Variants in STK3 observed in about 807,000 individuals in gnomAD.
STK3 encodes serine/threonine kinase 3, also known as serine/threonine-protein kinase 3.
Under a neutral mutation model 58.0 loss-of-function variants are expected in STK3, and 41 were observed. The observed-to-expected ratio is 0.71, with a 90% CI of 0.55 to 0.92. STK3 has a LOEUF of 0.92. STK3 is among the 40% of genes least tolerant of loss of function. STK3 has a pLI of 0.00. For missense variants in STK3, 479 were observed against 602.7 expected, an observed-to-expected ratio of 0.79 and a Z score of 2.15; for synonymous variants, 170 against 191.0, an observed-to-expected ratio of 0.89 and a Z score of 0.91.
intron 1 of STK3, among the ~76,000 whole-genome samples, chr8:98,817,509 T>C (rs1834633220): frequency 6.6e-6 from 1 of 151,596 alleles, no homozygotes. Flanking sequence ...ACCCACTTCC[T>C]CTTCTAAAGG....
chr8:98,619,206 C>T (rs1340285876), intron 6 of STK3, among the ~76,000 whole-genome samples: 1 of 149,914 alleles, frequency 6.7e-6, no homozygotes, highest in African/African-American at 2.5e-5. Context: ...GAAAAACAAG[C>T]AATGGGGAAA....
intron 10 of STK3, among the ~76,000 whole-genome samples, chr8:98,466,039 C>T (rs935167822): frequency 6.6e-6 from 1 of 152,182 alleles, no homozygotes; most frequent in Non-Finnish European, 1.5e-5. Flanking sequence ...TTAAATCTTT[C>T]TGGATCTATT....
intron 10 of STK3, among the ~76,000 whole-genome samples, chr8:98,497,417 G>A (rs1260591125): frequency 6.6e-6 from 1 of 151,492 alleles, no homozygotes; most frequent in Non-Finnish European, 1.5e-5. Flanking sequence ...GATACCAAAA[G>A]CACTAGTAAA....
chr8:98,352,136 C>CAAAAAAAAAAA, the STK3 span, among the ~76,000 whole-genome samples: 3 of 110,458 alleles, frequency 2.7e-5, no homozygotes, highest in Admixed American at 9.9e-5. Context: ...GACTCTGTCT[C>CAAAAAAAAAAA]AAAAAAAAAA....
intron 3 of STK3, among the ~76,000 whole-genome samples, chr8:98,407,020 C>T (rs747554943): frequency 8.5e-5 from 13 of 152,168 alleles, no homozygotes; most frequent in Non-Finnish European, 1.8e-4. Flanking sequence ...GCTAAAAGGA[C>T]TCCAGTTAAG....
chr8:98,556,794 G>C (rs1287690484), intron 8 of STK3, among the ~76,000 whole-genome samples: 1 of 151,960 alleles, frequency 6.6e-6, no homozygotes, highest in Non-Finnish European at 1.5e-5. Context: ...GTACTAAAAA[G>C]GGTCATATAG....
intron 1 of STK3, among the ~76,000 whole-genome samples, chr8:98,916,393 G>A (rs905517481): frequency 4.6e-5 from 7 of 152,194 alleles, no homozygotes; most frequent in Non-Finnish European, 1.0e-4. Context: ...TAGCCTGGGT[G>A]ACAGAGCAAG....
chr8:98,479,028 C>T (rs977759522), intron 10 of STK3, among the ~76,000 whole-genome samples: 1 of 152,134 alleles, frequency 6.6e-6, no homozygotes, highest in South Asian at 2.1e-4. Flanking sequence ...TGAGAGGTAG[C>T]AGTGGAGAAG....
chr8:98,438,249 T>C (rs1309427437), intron 1 of STK3: 3 of 152,190 alleles, frequency 2.0e-5, no homozygotes, highest in Non-Finnish European at 4.4e-5. Context: ...CAAACTGAGA[T>C]ATCCTACCGA....
intron 6 of STK3, among the ~76,000 whole-genome samples, chr8:98,603,518 T>C (rs1816527476): frequency 6.6e-6 from 1 of 152,194 alleles, no homozygotes; most frequent in Non-Finnish European, 1.5e-5. Context: ...ATTACAGGTG[T>C]GAGCCACCGC....
intron 1 of STK3, among the ~76,000 whole-genome samples, chr8:98,933,314 T>C (rs1840069742): frequency 6.6e-6 from 1 of 152,196 alleles, no homozygotes; most frequent in Non-Finnish European, 1.5e-5. Flanking sequence ...AAAATACTAT[T>C]GTATACAGAC....
intron 10 of STK3, among the ~76,000 whole-genome samples, chr8:98,464,540 T>TAAAAAAAAAAAAAAAAAAAAAAAAAA: frequency 5.2e-4 from 36 of 69,214 alleles, no homozygotes; most frequent in African/African-American, 9.2e-4. Flanking sequence ...TACTTAAAGT[T>TAAAAAAAAAAAAAAAAAAAAAAAAAA]AAAAAAAAAA....
intron 3 of STK3, among the ~76,000 whole-genome samples, chr8:98,873,732 G>A (rs1031357832): frequency 2.6e-5 from 4 of 151,800 alleles, no homozygotes; most frequent in African/African-American, 9.7e-5. Flanking sequence ...GAGCCTATGT[G>A]GGTCTCTGCA....
chr8:98,397,127 A>G (rs887894120), downstream of STK3, among the ~76,000 whole-genome samples: 2 of 152,242 alleles, frequency 1.3e-5, no homozygotes, highest in Non-Finnish European at 2.9e-5. Context: ...AACAGTTCAC[A>G]GTAGTGTTCT....
intron 3 of STK3, among the ~76,000 whole-genome samples, chr8:98,850,651 G>A (rs1217425844): frequency 6.6e-6 from 1 of 152,178 alleles, no homozygotes; most frequent in Non-Finnish European, 1.5e-5. Flanking sequence ...GCATGAAGAT[G>A]TAAAAGGGCC....
At chr8:98,810,288 A>G (rs1834132419) in intron 1 of STK3, among the ~76,000 whole-genome samples, 1 of 152,158 alleles carries the variant, frequency 6.6e-6, no homozygotes, top group African/African-American at 2.4e-5. Context: ...CCAGAAGTGG[A>G]ATTACTGAGT....
At chr8:98,617,089 G>C (rs1286606891) in intron 6 of STK3, among the ~76,000 whole-genome samples, 1 of 150,786 alleles carries the variant, frequency 6.6e-6, no homozygotes, top group East Asian at 1.9e-4. Flanking sequence ...AAATGTAAAA[G>C]AACAGAAATT....
At chr8:98,576,869 C>T (rs1049788249) in intron 8 of STK3, among the ~76,000 whole-genome samples, 17 of 152,160 alleles carry the variant, frequency 1.1e-4, no homozygotes, top group Admixed American at 1.1e-3. Flanking sequence ...AGGGAACCAC[C>T]AGACAGGTCA....
upstream of STK3, among the ~76,000 whole-genome samples, chr8:98,829,640 A>G (rs1218454752): frequency 6.6e-6 from 1 of 152,236 alleles, no homozygotes; most frequent in Non-Finnish European, 1.5e-5. Flanking sequence ...TTACCCTAGG[A>G]TAAACAGAAT....
Sources: allele counts gnomAD v4.1 joint callset (sites outside exome capture counted in the v4.1 genomes callset), GRCh38; gene constraint gnomAD v4.1.1; transcripts MANE v1.5; gene names NCBI Gene and HGNC (gene_info 2026-07-23, HGNC 2026-07-21).